CACNA1C: variants seen among roughly 807,000 people sequenced by gnomAD.
The protein encoded by CACNA1C is calcium voltage-gated channel subunit alpha1 C, also known as voltage-dependent L-type calcium channel subunit alpha-1C.
A neutral mutation model predicts 229.0 loss-of-function variants in CACNA1C; 30 were observed. The ratio of observed to expected loss-of-function variants is 0.13; its 90% confidence interval spans 0.10 to 0.18. The LOEUF is 0.18. Among genes scored for constraint, CACNA1C ranks in the 10% least tolerant of loss-of-function variants. The pLI, the probability that CACNA1C is intolerant of heterozygous loss-of-function variation, is 1.00. For synonymous variants in CACNA1C, 1,114 were observed against 1,132.5 expected, an observed-to-expected ratio of 0.98 and a Z score of 0.33; for missense variants, 1,658 against 2,845.0, an observed-to-expected ratio of 0.58 and a Z score of 9.49.
intron 1 of CACNA1C, among the ~76,000 whole-genome samples, chr12:2,063,184 G>A (rs1341726019): frequency 4.4e-5 from 6 of 136,954 alleles, no homozygotes; most frequent in African/African-American, 5.5e-5. Flanking sequence ...GTGTAGTCTC[G>A]CTCTGTCACC....
intron 3 of CACNA1C, among the ~76,000 whole-genome samples, chr12:2,337,279 A>G (rs1292802778): frequency 6.6e-6 from 1 of 152,204 alleles, no homozygotes; most frequent in Non-Finnish European, 1.5e-5. Flanking sequence ...AAACCTGGCT[A>G]AACACAGACT....
At chr12:2,539,954 A>G (rs1199291326) in intron 9 of CACNA1C, among the ~76,000 whole-genome samples, 1 of 151,932 alleles carries the variant, frequency 6.6e-6, no homozygotes, top group Non-Finnish European at 1.5e-5. Flanking sequence ...TTACCGGTAA[A>G]GGCTGGAGGA....
intron 34 of CACNA1C, among the ~76,000 whole-genome samples, chr12:2,661,971 A>T (rs1020031494): frequency 6.6e-6 from 1 of 152,228 alleles, no homozygotes; most frequent in African/African-American, 2.4e-5. Flanking sequence ...GGCCGGGCGC[A>T]GTGGCTCACG....
At chr12:2,041,466 C>T (rs999058046) in intron 1 of CACNA1C, among the ~76,000 whole-genome samples, 5 of 151,778 alleles carry the variant, frequency 3.3e-5, no homozygotes, top group African/African-American at 7.3e-5. Context: ...TTAGTAGAGA[C>T]GGGGTTTCAC....
At position 2,479,081 on chromosome 12, in the gene CACNA1C, T is replaced by G. The variant is rs115411679; in HGVS notation, c.758-7023T>G. On this transcript the variant is annotated intron_variant, in intron 5 of 46. Coordinates refer to ENST00000399655, the MANE Select transcript of CACNA1C (RefSeq NM_000719.7). This position sits in a 1 kb window ranked among gnomAD's most constrained non-coding sequence, Gnocchi z 4.3. ...GGGAGAAGCTGGTGTTTGATCTACA[T>G]TTTCTTAGAATCTGCATCGCAAATC... is the stretch of plus-strand genomic sequence containing the variant. Among the ~76,000 whole-genome samples, 2,102 of 152,130 alleles carry G rather than the reference T, an allele frequency of 0.014. 49 individuals are homozygous for G. Among genetic ancestry groups the G allele is most frequent in the African/African-American group, 0.047 (1,958 of 41,502 alleles).
chr12:2,550,326 G>T (rs2099895998), intron 10 of CACNA1C, among the ~76,000 whole-genome samples: 1 of 152,206 alleles, frequency 6.6e-6, no homozygotes, highest in Admixed American at 6.5e-5. Flanking sequence ...GAGAAATATA[G>T]AGGGTGTGTG....
At chr12:2,234,972 G>C (rs2066761530) in intron 3 of CACNA1C, among the ~76,000 whole-genome samples, 1 of 152,094 alleles carries the variant, frequency 6.6e-6, no homozygotes, top group South Asian at 2.1e-4. Flanking sequence ...TCTCACAAAG[G>C]TGGCTTCTGG....
chr12:2,144,258 G>T (rs964055181), intron 3 of CACNA1C, among the ~76,000 whole-genome samples: 1 of 151,310 alleles, frequency 6.6e-6, no homozygotes, highest in African/African-American at 2.4e-5. Context: ...GGAAGAAGCC[G>T]GGCTTGAGTG....
At chr12:2,350,317 G>A (rs1031094012) in intron 3 of CACNA1C, among the ~76,000 whole-genome samples, 2 of 152,210 alleles carry the variant, frequency 1.3e-5, no homozygotes, top group African/African-American at 4.8e-5. Context: ...GCCAGATGCT[G>A]CTGAAGCCTT....
chr12:2,061,653 C>CACAT (rs34965410), intron 1 of CACNA1C, among the ~76,000 whole-genome samples: 8,804 of 152,226 alleles, frequency 0.058, 473 homozygotes, highest in African/African-American at 0.14. Flanking sequence ...ACTGCCACCA[C>CACAT]ACATGGCTGC....
At chr12:2,583,300 C>A (rs549617132) in intron 15 of CACNA1C, among the ~76,000 whole-genome samples, 1 of 152,334 alleles carries the variant, frequency 6.6e-6, no homozygotes, top group African/African-American at 2.4e-5. Context: ...TGCTCAGAGG[C>A]GGGACGCTCC....
At chr12:2,671,676 G>A (rs774105631) in intron 38 of CACNA1C, among the ~76,000 whole-genome samples, 10 of 152,176 alleles carry the variant, frequency 6.6e-5, no homozygotes, top group Non-Finnish European at 1.2e-4. Context: ...AACTAAGGAA[G>A]ACCAATAGCT....
In CACNA1C at chr12:2,152,829, A is replaced by C. The variant is rs1377592988; in HGVS notation, c.477+32399A>C. On this transcript the variant is annotated intron_variant, in intron 3 of 46. Coordinates refer to ENST00000399655, the MANE Select transcript of CACNA1C (RefSeq NM_000719.7). The surrounding 1 kb of genome is among the most constrained non-coding windows in gnomAD (Gnocchi z 4.2). ...CCTCTTTCCGTTTCCCATGTCACCCACAGGACTGGTGTGCCCGGTAGGAAA... is the reference window on the plus strand; with the variant it reads ...CCTCTTTCCGTTTCCCATGTCACCCCCAGGACTGGTGTGCCCGGTAGGAAA... 6.6e-6 allele frequency among the ~76,000 whole-genome samples: 1 copy of C among 152,184 alleles called. No individual in the cohort carries two copies. The highest frequency in any genetic ancestry group is 1.9e-4 in the East Asian group (1 of 5,196).
intron 1 of CACNA1C, chr12:2,004,536 G>T: frequency 2.7e-6 from 4 of 1,466,570 alleles, no homozygotes; most frequent in Non-Finnish European, 3.6e-6. Flanking sequence ...GCGACCACAC[G>T]GCCCGGGAGG....
At position 2,604,334 on chromosome 12, in the gene CACNA1C, G is replaced by A. The variant is rs112792489; in HGVS notation, c.2961-747G>A. On this transcript the variant is annotated intron_variant, in intron 22 of 46. Coordinates refer to ENST00000399655, the MANE Select transcript of CACNA1C (RefSeq NM_000719.7). ...TTCTGAGACTGCTTCTAAGGCCGTC[G>A]TTTCGGGGTGTTGTTTCCTGAGCCC... is the stretch of plus-strand genomic sequence containing the variant. Among the ~76,000 whole-genome samples, 11 of 152,258 alleles carry A rather than the reference G, an allele frequency of 7.2e-5. 1 individual carries two copies. The highest frequency in any genetic ancestry group is 1.9e-4 in the East Asian group (1 of 5,180).
Position 2,296,785 on chromosome 12 carries a change from A to C in CACNA1C, c.478-152191A>C, listed in dbSNP as rs566844461. ...AGTACGGAAATGGATAGCCATCTGCATGGGGTGGAAATGTCTCTTCTTTGT... is the reference window on the plus strand; with the variant it reads ...AGTACGGAAATGGATAGCCATCTGCCTGGGGTGGAAATGTCTCTTCTTTGT... On this transcript the variant is annotated intron_variant, in intron 3 of 46. Transcript: ENST00000399655. Among the ~76,000 whole-genome samples the C allele has an allele frequency of 5.9e-5, 9 of 152,330 alleles. No individual in the cohort carries two copies. The East Asian group carries it at 1.5e-3, about 26-fold the overall frequency.
Position 2,465,995 on chromosome 12 carries a change from G to T in CACNA1C, c.757+8289G>T, listed in dbSNP as rs1286095136. Among the ~76,000 whole-genome samples the T allele has an allele frequency of 2.0e-5, 3 of 152,106 alleles. No individual in the cohort carries two copies. The East Asian group carries it at 5.8e-4, about 29-fold the overall frequency. On this transcript the variant is annotated intron_variant, in intron 5 of 46. Transcript: ENST00000399655. ...GATGAATATTGACTTAAAAATTGCT[G>T]CTGCAGAAGTTGAAAACTCACCTGA...
intron 3 of CACNA1C, among the ~76,000 whole-genome samples, chr12:2,364,109 T>A (rs2097655178): frequency 6.6e-6 from 1 of 152,218 alleles, no homozygotes. Context: ...CAAGGTCCAC[T>A]GCATCTGATG....
intron 22 of CACNA1C, among the ~76,000 whole-genome samples, chr12:2,604,583 T>G (rs2074383071): frequency 6.6e-6 from 1 of 152,234 alleles, no homozygotes; most frequent in Non-Finnish European, 1.5e-5. Flanking sequence ...TCAGGCAGTT[T>G]CTCAAGCACA....
Sources: gnomAD v4.1 joint callset for allele counts (sites outside exome capture counted in the v4.1 genomes callset) on GRCh38, gnomAD v4.1.1 for gene constraint, Gnocchi (gnomAD v3.1) non-coding constraint, MANE v1.5 for transcripts, NCBI Gene and HGNC (gene_info 2026-07-23, HGNC 2026-07-21) for gene names.